MYLK: variants seen among roughly 807,000 people sequenced by gnomAD.
The protein encoded by MYLK is myosin light chain kinase.
Under a neutral mutation model 203.4 loss-of-function variants are expected in MYLK, and 106 were observed. That is an observed-to-expected ratio of 0.52 (90% confidence interval 0.45 to 0.61). MYLK has a LOEUF of 0.61. Ranked by LOEUF, MYLK falls within the 20% of genes least tolerant of loss-of-function variation. MYLK has a pLI of 0.00. For missense variants in MYLK, 2,072 were observed against 2,442.3 expected, an observed-to-expected ratio of 0.85 and a Z score of 3.20; for synonymous variants, 867 against 959.5, an observed-to-expected ratio of 0.90 and a Z score of 1.78.
chr3:123,735,074 G>C (rs1391952395), intron 9 of MYLK: 1 of 390,376 alleles, frequency 2.6e-6, no homozygotes, highest in Non-Finnish European at 4.9e-6. Flanking sequence ...TGAGTGAACA[G>C]ATTCCGCCCT....
At chr3:123,750,227 C>T (rs1176668100) in intron 5 of MYLK, among the ~76,000 whole-genome samples, 1 of 152,170 alleles carries the variant, frequency 6.6e-6, no homozygotes, top group African/African-American at 2.4e-5. Flanking sequence ...AAGTATCTTA[C>T]ATTTTATGTC....
chr3:123,786,141 A>G lies in MYLK; in HGVS notation c.165+7536T>C, dbSNP rs1222019347. 2.0e-5 allele frequency among the ~76,000 whole-genome samples: 3 copies of G among 152,018 alleles called. No individual in the cohort carries two copies. The East Asian group carries it at 5.8e-4, about 29-fold the overall frequency. Reference sequence around the variant, plus strand: ...AACATGGTGAAACCCTGTCTCTACTAAAAATACAAAAATTAGCCGGGTGTG... The same window carrying G: ...AACATGGTGAAACCCTGTCTCTACTGAAAATACAAAAATTAGCCGGGTGTG... On this transcript the variant is annotated intron_variant, in intron 4 of 33. Transcript: ENST00000360304.
In MYLK at chr3:123,700,519, T is replaced by C; in HGVS notation, c.2949A>G (p.Ser983=). 1.9e-6 allele frequency: 3 copies of C among 1,613,398 alleles called. No individual in the cohort carries two copies. Among genetic ancestry groups the C allele is most frequent in the Non-Finnish European group, 2.5e-6 (3 of 1,179,530 alleles). ...PPKPATPDFR[S]VLGGKKKLPA... ...GTAATTTCTTCTTGCCACCCAGCAC[T>C]GAGCGAAAATCCGGGGTGGCAGGTT... The change falls in exon 18 of 34, where the codon TCA becomes TCG. Residue 983 remains serine (S), a synonymous_variant. Coordinates refer to ENST00000360304, the MANE Select transcript of MYLK (RefSeq NM_053025.4).
chr3:123,851,145 T>A (rs559834123), intron 2 of MYLK, among the ~76,000 whole-genome samples: 1 of 152,346 alleles, frequency 6.6e-6, no homozygotes, highest in East Asian at 1.9e-4. Context: ...TTGGTTACTG[T>A]CGCCTTGTAG....
At chr3:123,770,701 G>A (rs765395531) in intron 4 of MYLK, among the ~76,000 whole-genome samples, 1 of 152,172 alleles carries the variant, frequency 6.6e-6, no homozygotes, top group African/African-American at 2.4e-5. Context: ...GATGGAAGTT[G>A]GTCTATTTAG....
intron 2 of MYLK, among the ~76,000 whole-genome samples, chr3:123,847,792 T>C (rs2030213275): frequency 6.6e-6 from 1 of 152,152 alleles, no homozygotes; most frequent in South Asian, 2.1e-4. Flanking sequence ...AATAGATTTG[T>C]AAATATTTCA....
At chr3:123,877,647 G>A (rs2033244730) in intron 1 of MYLK, among the ~76,000 whole-genome samples, 1 of 152,150 alleles carries the variant, frequency 6.6e-6, no homozygotes, top group African/African-American at 2.4e-5. Flanking sequence ...GGAAAGGCAG[G>A]AGCTTTTGAT....
chr3:123,826,613 A>C (rs1419317617), intron 3 of MYLK, among the ~76,000 whole-genome samples: 1 of 152,240 alleles, frequency 6.6e-6, no homozygotes, highest in Non-Finnish European at 1.5e-5. Context: ...AAACATCTGC[A>C]TGCTCATGCT....
In MYLK at chr3:123,629,839, CACCT is replaced by C; in HGVS notation, c.4962-217_4962-214del. 1 of 585,826 alleles carries C rather than the reference CACCT, an allele frequency of 1.7e-6. No individual in the cohort carries two copies. The highest frequency in any genetic ancestry group is 3.0e-6 in the Non-Finnish European group (1 of 329,066). 36.3% of individuals were successfully genotyped at this position (585,826 alleles called of 1,614,324 possible). ...TTCTTGGTCACCTGCCTCTTGACAC[CACCT>C]ACCTGTGAGGCTGAGGTGCAGCAGG... is the stretch of plus-strand genomic sequence containing the variant. On this transcript the variant is annotated intron_variant, in intron 29 of 33. Transcript: ENST00000360304. This position sits in a 1 kb window ranked among gnomAD's most constrained non-coding sequence, Gnocchi z 4.4.
rs1421279351 is a variant in MYLK at position 123,721,991 on chromosome 3, G to T, written c.1804+137C>A. On this transcript the variant is annotated intron_variant, in intron 13 of 33. Transcript: ENST00000360304. The stretch of plus-strand genomic sequence containing the variant: ...TGTCACGGCACCTGCCGCTGCCAGT[G>T]GTGTGGAGTAGTGCCATGTGCACCT... The T allele has an allele frequency of 2.7e-6, 3 of 1,111,406 alleles. No individual in the cohort carries two copies. In the South Asian group the frequency reaches 4.0e-5, roughly 15 times the overall value. The allele number at this position is 1,111,406 out of a possible 1,614,324, so 68.8% of individuals were successfully genotyped here.
In MYLK at chr3:123,708,007, G is replaced by C. The variant is rs756681688; in HGVS notation, c.2141-4C>G. ...GGCTGGGTGCCATCGTGAGGCTCTGGAAATTGGCAAAGGGCAGAGCTAAAC... is the reference window on the plus strand; with the variant it reads ...GGCTGGGTGCCATCGTGAGGCTCTGCAAATTGGCAAAGGGCAGAGCTAAAC... On this transcript the variant is annotated splice_region_variant and splice_polypyrimidine_tract_variant and intron_variant, in intron 15 of 33. Transcript: ENST00000360304. 1.9e-6 allele frequency: 3 copies of C among 1,614,060 alleles called. No individual in the cohort carries two copies. Among genetic ancestry groups the C allele is most frequent in the Non-Finnish European group, 2.5e-6 (3 of 1,179,976 alleles).
rs758764685 is a variant in MYLK at position 123,733,910 on chromosome 3, C to T, written c.1086G>A (p.Gly362=). 15 of 1,614,152 alleles carry T rather than the reference C, an allele frequency of 9.3e-6. No individual in the cohort carries two copies. Among genetic ancestry groups the T allele is most frequent in the Non-Finnish European group, 1.3e-5 (15 of 1,180,034 alleles). ...TCTCTTCTCCAGAAGGTGATAGGAC[C>T]CCCAGGCCTGGTGCTCTTGGTTCCG... ...VQPEPRAPGL[G]VLSPSGEERK... The change falls in exon 10 of 34, where the codon GGG becomes GGA. Residue 362 remains glycine, a synonymous_variant. Coordinates refer to ENST00000360304, the MANE Select transcript of MYLK (RefSeq NM_053025.4).
At chr3:123,733,599 G>T in intron 10 of MYLK, 88 bp downstream of exon 10, 1 of 1,499,676 alleles carries the variant, frequency 6.7e-7, no homozygotes. Context: ...GGATATAGGT[G>T]ATGCAGACTA....
At chr3:123,828,712 C>G (rs769627138) in intron 3 of MYLK, among the ~76,000 whole-genome samples, 1 of 152,060 alleles carries the variant, frequency 6.6e-6, no homozygotes, top group Non-Finnish European at 1.5e-5. Context: ...ATTCACCTGA[C>G]AGGGGATTAA....
At chr3:123,879,145 C>T (rs745490193) in intron 1 of MYLK, among the ~76,000 whole-genome samples, 7 of 152,202 alleles carry the variant, frequency 4.6e-5, no homozygotes, top group Non-Finnish European at 1.0e-4. Context: ...ACCCAAAAGT[C>T]TTCTACGGGC....
chr3:123,661,122 C>G (rs1246105182), intron 23 of MYLK, among the ~76,000 whole-genome samples: 1 of 152,212 alleles, frequency 6.6e-6, no homozygotes, highest in East Asian at 1.9e-4. Context: ...CCTGTCAGCA[C>G]TGGCTGCAGA....
chr3:123,715,031 G>A (rs537918319), intron 13 of MYLK, among the ~76,000 whole-genome samples: 4 of 152,196 alleles, frequency 2.6e-5, no homozygotes, highest in African/African-American at 9.6e-5. Context: ...AAGAGAGAGG[G>A]GGAAAAGGGA....
intron 30 of MYLK, among the ~76,000 whole-genome samples, chr3:123,628,832 A>G (rs996932300): frequency 6.6e-6 from 1 of 152,016 alleles, no homozygotes; most frequent in African/African-American, 2.4e-5. Flanking sequence ...TCACTTTCCT[A>G]TGTTCACAGC....
chr3:123,751,253 G>C (rs890286590), intron 5 of MYLK, among the ~76,000 whole-genome samples: 5 of 152,158 alleles, frequency 3.3e-5, no homozygotes, highest in Admixed American at 6.5e-5. Flanking sequence ...GTCAGCCAGG[G>C]ACCTGAACTA....
Sources: allele counts gnomAD v4.1 joint callset (sites outside exome capture counted in the v4.1 genomes callset), GRCh38; gene constraint gnomAD v4.1.1; non-coding constraint Gnocchi (gnomAD v3.1); transcripts MANE v1.5; gene names NCBI Gene and HGNC (gene_info 2026-07-23, HGNC 2026-07-21).